Variants in MAP4K4 observed in about 807,000 individuals in gnomAD.
MAP4K4 encodes mitogen-activated protein kinase kinase kinase kinase 4.
A neutral mutation model predicts 189.6 loss-of-function variants in MAP4K4; 38 were observed. The ratio of observed to expected loss-of-function variants is 0.20; its 90% confidence interval spans 0.15 to 0.26. The LOEUF (loss-of-function observed/expected upper bound fraction) is 0.26, where lower values mean the gene tolerates loss of function less well. MAP4K4 is among the 10% of genes least tolerant of loss of function. The pLI is 1.00. For missense variants in MAP4K4, 1,054 were observed against 1,726.9 expected, an observed-to-expected ratio of 0.61 and a Z score of 6.91; for synonymous variants, 610 against 624.3, an observed-to-expected ratio of 0.98 and a Z score of 0.34.
At chr2:101,799,571 A>G (rs2094163611) in intron 3 of MAP4K4, among the ~76,000 whole-genome samples, 1 of 149,602 alleles carries the variant, frequency 6.7e-6, no homozygotes, top group South Asian at 2.1e-4. Flanking sequence ...CTTCTGCTGT[A>G]TATGTGTGTG....
chr2:101,867,127 T>A, intron 19 of MAP4K4, 85 bp from the exon 20 acceptor site: 1 of 711,250 alleles, frequency 1.4e-6, no homozygotes, highest in African/African-American at 1.9e-5. Flanking sequence ...CAGACAGGAG[T>A]GGGCGGGGTG....
At chr2:101,787,397 C>T (rs890159305) in intron 2 of MAP4K4, among the ~76,000 whole-genome samples, 21 of 152,270 alleles carry the variant, frequency 1.4e-4, no homozygotes, top group Admixed American at 7.2e-4. Context: ...TTTATAGTTA[C>T]GTGCATTTTC....
chr2:101,750,092 G>A (rs910277540), intron 2 of MAP4K4, among the ~76,000 whole-genome samples: 1 of 149,790 alleles, frequency 6.7e-6, no homozygotes. Flanking sequence ...CATTGTGGAA[G>A]TCAGTGTGGC....
At chr2:101,764,073 G>A (rs1409413314) in intron 2 of MAP4K4, among the ~76,000 whole-genome samples, 4 of 151,930 alleles carry the variant, frequency 2.6e-5, no homozygotes, top group Non-Finnish European at 4.4e-5. Context: ...GAAGTCTGTG[G>A]GTTTGGTGTT....
chr2:101,701,577 C>T (rs182497988), intron 2 of MAP4K4, among the ~76,000 whole-genome samples: 136 of 152,248 alleles, frequency 8.9e-4, no homozygotes, highest in Non-Finnish European at 1.3e-3. Flanking sequence ...TTCTGTGTCT[C>T]TGACAACAGT....
At chr2:101,760,498 A>C (rs1442566111) in intron 2 of MAP4K4, among the ~76,000 whole-genome samples, 11 of 121,504 alleles carry the variant, frequency 9.1e-5, no homozygotes, top group African/African-American at 2.6e-4. Flanking sequence ...AAAAAAAAAA[A>C]ACAAAATATA....
At chr2:101,786,687 T>C (rs892362651) in intron 2 of MAP4K4, among the ~76,000 whole-genome samples, 2 of 152,230 alleles carry the variant, frequency 1.3e-5, no homozygotes, top group African/African-American at 4.8e-5. Context: ...TCTTGAAGTA[T>C]GTATATAAAA....
intron 10 of MAP4K4, among the ~76,000 whole-genome samples, chr2:101,840,803 A>T (rs546254272): frequency 6.6e-6 from 1 of 152,292 alleles, no homozygotes; most frequent in South Asian, 2.1e-4. Flanking sequence ...GCAGTAAAAG[A>T]ATTGGTCAAA....
At chr2:101,815,447 T>A (rs2095657631) in intron 3 of MAP4K4, among the ~76,000 whole-genome samples, 1 of 152,158 alleles carries the variant, frequency 6.6e-6, no homozygotes, top group South Asian at 2.1e-4. Context: ...AGGTTGTAGC[T>A]TTTGTTAAGT....
chr2:101,779,628 AT>A (rs111914104), intron 2 of MAP4K4, among the ~76,000 whole-genome samples: 14,732 of 150,944 alleles, frequency 0.098, 1,193 homozygotes, highest in African/African-American at 0.22. Flanking sequence ...TTCTATCTCC[AT>A]TTTTTTTTCT....
At chr2:101,731,771 A>T in intron 2 of MAP4K4, among the ~76,000 whole-genome samples, 1 of 150,468 alleles carries the variant, frequency 6.6e-6, no homozygotes. Context: ...AAAAAAAAAG[A>T]TGGAGGGGAG....
rs1274636007 is a variant in MAP4K4 at position 101,887,068 on chromosome 2, C to G, written c.3622-20C>G. On this transcript the variant is annotated intron_variant, in intron 29 of 32. Coordinates refer to ENST00000324219, the Ensembl canonical transcript of MAP4K4. The stretch of plus-strand genomic sequence containing the variant: ...AATGTTCTCCTTCATCTTCTCACTT[C>G]TCTTATGGCTTCTTTGCAGTCATTT... 7.1e-7 allele frequency: 1 copy of G among 1,411,418 alleles called. No homozygotes were observed. The highest frequency in any genetic ancestry group is 9.5e-7 in the Non-Finnish European group (1 of 1,048,646). 87.4% of individuals were successfully genotyped at this position (1,411,418 alleles called of 1,614,324 possible).
intron 31 of MAP4K4, 81 bp from the exon 32 acceptor site, chr2:101,888,715 T>A (rs1051751458): frequency 9.8e-7 from 1 of 1,017,006 alleles, no homozygotes; most frequent in South Asian, 2.7e-5. Context: ...AGTATAAAAA[T>A]ATATTTTTAT....
exon 24 of MAP4K4, chr2:101,871,621 C>G (rs2098027199): frequency 6.5e-7 from 1 of 1,536,674 alleles, no homozygotes; most frequent in East Asian, 2.4e-5. Context: ...TCCTCCCCAT[C>G]CTCCAGCCAG....
At chr2:101,852,138 T>G (rs76182071) in intron 12 of MAP4K4, among the ~76,000 whole-genome samples, 6 of 140,396 alleles carry the variant, frequency 4.3e-5, no homozygotes, top group East Asian at 2.0e-4. Flanking sequence ...AAAGGAGGTG[T>G]TTTTTTTTTT....
intron 3 of MAP4K4, among the ~76,000 whole-genome samples, chr2:101,821,651 G>T (rs1314407934): frequency 6.6e-6 from 1 of 152,134 alleles, no homozygotes; most frequent in East Asian, 1.9e-4. Flanking sequence ...GAATGTGAAG[G>T]CCTAGGACAT....
At chr2:101,779,457 C>T (rs1473120093) in intron 2 of MAP4K4, among the ~76,000 whole-genome samples, 1 of 152,010 alleles carries the variant, frequency 6.6e-6, no homozygotes, top group African/African-American at 2.4e-5. Flanking sequence ...ACTGAGAAAG[C>T]GATGATGGGT....
intron 10 of MAP4K4, among the ~76,000 whole-genome samples, chr2:101,840,969 CAA>C (rs1246851169): frequency 6.6e-6 from 1 of 152,146 alleles, no homozygotes; most frequent in African/African-American, 2.4e-5. Context: ...AGTTTGAAAA[CAA>C]GACTTTTTTT....
At chr2:101,703,348 G>C (rs1391590249) in intron 2 of MAP4K4, among the ~76,000 whole-genome samples, 1 of 152,072 alleles carries the variant, frequency 6.6e-6, no homozygotes, top group Admixed American at 6.6e-5. Flanking sequence ...CACAGTATTA[G>C]GAGGAGCTTT....
Sources: gnomAD v4.1 joint callset for allele counts (sites outside exome capture counted in the v4.1 genomes callset) on GRCh38, gnomAD v4.1.1 for gene constraint, MANE v1.5 for transcripts, NCBI Gene and HGNC (gene_info 2026-07-23, HGNC 2026-07-21) for gene names.